The following PCDH7 variants were observed in gnomAD, a reference collection of about 807,000 sequenced individuals.
The protein encoded by PCDH7 is protocadherin 7.
In PCDH7, 17 loss-of-function variants were observed where a neutral mutation model predicts 58.9. The observed-to-expected ratio is 0.29, with a 90% CI of 0.20 to 0.43. The LOEUF (loss-of-function observed/expected upper bound fraction) is 0.43, where lower values mean the gene tolerates loss of function less well. PCDH7 is among the 20% of genes least tolerant of loss of function. The pLI is 1.00. For missense variants in PCDH7, 1,274 were observed against 1,441.0 expected, an observed-to-expected ratio of 0.88 and a Z score of 1.88; for synonymous variants, 664 against 616.4, an observed-to-expected ratio of 1.08 and a Z score of -1.14.
intron 3 of PCDH7, among the ~76,000 whole-genome samples, chr4:30,995,688 T>G (rs1041854046): frequency 2.6e-5 from 4 of 152,182 alleles, no homozygotes; most frequent in Admixed American, 1.3e-4. Flanking sequence ...TAAGGCTGCG[T>G]TCCTTCTGGA....
chr4:31,137,145 G>A (rs188891504), intron 3 of PCDH7, among the ~76,000 whole-genome samples: 1 of 152,304 alleles, frequency 6.6e-6, no homozygotes, highest in South Asian at 2.1e-4. Flanking sequence ...TAGCATTTAA[G>A]TGTGCTTCTA....
At chr4:30,757,941 A>G (rs556389346) in intron 1 of PCDH7, among the ~76,000 whole-genome samples, 1 of 103,438 alleles carries the variant, frequency 9.7e-6, no homozygotes, top group East Asian at 3.2e-4. Flanking sequence ...TCAAGGTGTT[A>G]GGACGGGAAA....
chr4:30,754,111 G>A (rs73213185), intron 1 of PCDH7, among the ~76,000 whole-genome samples: 4,455 of 151,880 alleles, frequency 0.029, 100 homozygotes, highest in Middle Eastern at 0.089. Flanking sequence ...TATGAAGCAG[G>A]TAGCTTCTTC....
chr4:30,755,861 A>C (rs1049568346), intron 1 of PCDH7, among the ~76,000 whole-genome samples: 1 of 152,066 alleles, frequency 6.6e-6, no homozygotes, highest in Non-Finnish European at 1.5e-5. Context: ...AAGGAGGATC[A>C]GGAGGTCAAG....
intron 1 of PCDH7, among the ~76,000 whole-genome samples, chr4:30,817,147 G>A (rs868732211): frequency 6.6e-6 from 1 of 152,058 alleles, no homozygotes; most frequent in South Asian, 2.1e-4. Flanking sequence ...GAAGAAAATG[G>A]CACCTGGACT....
At chr4:30,948,289 C>CA (rs751763592) in intron 2 of PCDH7, among the ~76,000 whole-genome samples, 4,343 of 113,384 alleles carry the variant, frequency 0.038, 83 homozygotes, top group African/African-American at 0.07. Flanking sequence ...AACTCATATG[C>CA]AAAAAAAAAA....
chr4:30,745,900 C>T (rs997613796), intron 1 of PCDH7, among the ~76,000 whole-genome samples: 3 of 152,042 alleles, frequency 2.0e-5, no homozygotes, highest in East Asian at 1.9e-4. Flanking sequence ...AGTGCAGTGG[C>T]GTGATCTCAG....
chr4:31,016,056 A>G (rs188864175), intron 3 of PCDH7, among the ~76,000 whole-genome samples: 49 of 152,290 alleles, frequency 3.2e-4, no homozygotes, highest in African/African-American at 1.1e-3. Context: ...ATTTTATGCA[A>G]CTAAATCACT....
At chr4:30,974,413 T>G (rs1359906689) in intron 3 of PCDH7, among the ~76,000 whole-genome samples, 1 of 151,926 alleles carries the variant, frequency 6.6e-6, no homozygotes, top group Non-Finnish European at 1.5e-5. Flanking sequence ...TAAATTTAGG[T>G]GTGCTTTATT....
At chr4:31,082,090 T>A (rs952145622) in intron 3 of PCDH7, among the ~76,000 whole-genome samples, 1 of 152,086 alleles carries the variant, frequency 6.6e-6, no homozygotes, top group Non-Finnish European at 1.5e-5. Flanking sequence ...CTGGCCTTTT[T>A]AAAAAATTTC....
intron 1 of PCDH7, among the ~76,000 whole-genome samples, chr4:30,908,337 A>G (rs2109402212): frequency 6.6e-6 from 1 of 152,230 alleles, no homozygotes; most frequent in Non-Finnish European, 1.5e-5. Flanking sequence ...AATTGCAATG[A>G]AGAAAAAAGT....
chr4:30,953,652 T>C (rs959599951), intron 3 of PCDH7, among the ~76,000 whole-genome samples: 1 of 152,100 alleles, frequency 6.6e-6, no homozygotes, highest in Non-Finnish European at 1.5e-5. Flanking sequence ...GGATGCAGTA[T>C]ATAAATAAAA....
chr4:30,954,699 C>G (rs1229213913), intron 3 of PCDH7, among the ~76,000 whole-genome samples: 1 of 152,138 alleles, frequency 6.6e-6, no homozygotes, highest in African/African-American at 2.4e-5. Context: ...ATCACTTAAC[C>G]TCTCAAGACC....
rs376021658 is a variant in PCDH7 at position 30,784,961 on chromosome 4, A to G, written c.70+60365A>G. On this transcript the variant is annotated intron_variant, in intron 1 of 3. Coordinates refer to the PCDH7 transcript ENST00000509759. ...ATACTATGATATAACAAGTAATATG[A>G]TTTCCCTAATTGGTTATTTCCAAAT... Among the ~76,000 whole-genome samples, 17 of 152,190 alleles carry G rather than the reference A, an allele frequency of 1.1e-4. No individual in the cohort carries two copies. The East Asian group carries it at 2.9e-3, about 26-fold the overall frequency.
chr4:30,948,768 A>G (rs1430586103), intron 2 of PCDH7, among the ~76,000 whole-genome samples: 1 of 152,052 alleles, frequency 6.6e-6, no homozygotes, highest in East Asian at 1.9e-4. Flanking sequence ...AAATTTCTCA[A>G]CTCAAGGGCT....
At chr4:30,857,340 A>G (rs1387365327) in intron 1 of PCDH7, among the ~76,000 whole-genome samples, 2 of 152,140 alleles carry the variant, frequency 1.3e-5, no homozygotes, top group Non-Finnish European at 2.9e-5. Flanking sequence ...TGAGGGTGAC[A>G]TAGAGAAGTT....
chr4:30,958,960 G>A (rs1001792263), intron 3 of PCDH7, among the ~76,000 whole-genome samples: 1 of 152,072 alleles, frequency 6.6e-6, no homozygotes, highest in Non-Finnish European at 1.5e-5. Context: ...TTTGGTAGGG[G>A]TGGAGGAGCC....
At chr4:31,030,302 GC>G (rs1428156033) in intron 3 of PCDH7, among the ~76,000 whole-genome samples, 1 of 152,150 alleles carries the variant, frequency 6.6e-6, no homozygotes, top group African/African-American at 2.4e-5. Flanking sequence ...TTTAGGGCCA[GC>G]TATTTAGTAC....
chr4:31,129,103 C>T (rs565112879), intron 3 of PCDH7, among the ~76,000 whole-genome samples: 1 of 152,234 alleles, frequency 6.6e-6, no homozygotes, highest in East Asian at 1.9e-4. Context: ...TCAACAGGCC[C>T]TTAATGAGCA....
Sources: allele counts gnomAD v4.1 joint callset (sites outside exome capture counted in the v4.1 genomes callset), GRCh38; gene constraint gnomAD v4.1.1; transcripts MANE v1.5; gene names NCBI Gene and HGNC (gene_info 2026-07-23, HGNC 2026-07-21).